NAALADL2: variants seen among roughly 807,000 people sequenced by gnomAD.
NAALADL2 encodes the protein inactive N-acetylated-alpha-linked acidic dipeptidase-like protein 2.
Under a neutral mutation model 87.2 loss-of-function variants are expected in NAALADL2, and 76 were observed. The observed-to-expected ratio is 0.87, with a 90% CI of 0.72 to 1.05. The LOEUF is 1.05. Ranked by LOEUF, NAALADL2 falls within the 50% of genes least tolerant of loss-of-function variation. The pLI is 0.00. For synonymous variants in NAALADL2, 354 were observed against 331.0 expected (o/e 1.07, Z -0.75); for missense variants, 1,089 against 945.8 (o/e 1.15, Z -1.99).
chr3:174,680,668 C>T (rs547259837), intron 2 of NAALADL2, among the ~76,000 whole-genome samples: 13 of 152,224 alleles, frequency 8.5e-5, no homozygotes, highest in South Asian at 2.1e-4. Context: ...GTCCAAACTA[C>T]GACAGTCTTT....
intron 10 of NAALADL2, among the ~76,000 whole-genome samples, chr3:175,602,372 T>C (rs1723078120): frequency 1.3e-5 from 2 of 152,078 alleles, no homozygotes; most frequent in South Asian, 2.1e-4. Flanking sequence ...TTCTGAACTT[T>C]AATACACAGT....
At chr3:174,702,035 A>G (rs1327451899) in intron 2 of NAALADL2, among the ~76,000 whole-genome samples, 1 of 152,164 alleles carries the variant, frequency 6.6e-6, no homozygotes, top group Non-Finnish European at 1.5e-5. Flanking sequence ...TTTCATTCCC[A>G]TCAGCAGTGT....
At chr3:174,777,023 C>G (rs939056775) in intron 3 of NAALADL2, among the ~76,000 whole-genome samples, 1 of 152,034 alleles carries the variant, frequency 6.6e-6, no homozygotes, top group Middle Eastern at 3.2e-3. Context: ...AAGTTTATTG[C>G]TTTATAGACT....
chr3:174,877,464 A>G (rs1387749579), intron 1 of NAALADL2, among the ~76,000 whole-genome samples: 3 of 152,144 alleles, frequency 2.0e-5, no homozygotes, highest in African/African-American at 2.4e-5. Flanking sequence ...TATTTCAGGC[A>G]TTCAGAAAAG....
chr3:175,259,818 A>G lies in NAALADL2; in HGVS notation c.939+3288A>G, dbSNP rs529049545. Among the ~76,000 whole-genome samples, 37 of 152,320 alleles carry G rather than the reference A, an allele frequency of 2.4e-4. No individual in the cohort carries two copies. In the East Asian group the frequency reaches 7.1e-3, roughly 29 times the overall value. ...CAGCACCTTTGGATCACGTAAGCCC[A>G]GGAGTTCAAGACCAGCCTGGCCAAT... On this transcript the variant is annotated intron_variant, in intron 4 of 13. Transcript: ENST00000454872.
At chr3:174,761,958 C>A (rs542939361) in intron 3 of NAALADL2, among the ~76,000 whole-genome samples, 7 of 152,216 alleles carry the variant, frequency 4.6e-5, no homozygotes, top group Admixed American at 1.3e-4. Flanking sequence ...TGAATTCTCT[C>A]ATCTGTGCTG....
At chr3:175,621,172 T>C (rs2149700522) in intron 10 of NAALADL2, among the ~76,000 whole-genome samples, 1 of 152,306 alleles carries the variant, frequency 6.6e-6, no homozygotes, top group African/African-American at 2.4e-5. Context: ...GGCTTGAAGG[T>C]CAGGTTTCAC....
intron 10 of NAALADL2, among the ~76,000 whole-genome samples, chr3:175,621,136 C>T (rs898606606): frequency 6.6e-6 from 1 of 152,182 alleles, no homozygotes; most frequent in African/African-American, 2.4e-5. Flanking sequence ...ACCGGCAGCT[C>T]GGTTTTCCGG....
chr3:174,611,034 A>G (rs911587572), intron 2 of NAALADL2, among the ~76,000 whole-genome samples: 1 of 152,100 alleles, frequency 6.6e-6, no homozygotes, highest in Non-Finnish European at 1.5e-5. Flanking sequence ...ATGAAATTGG[A>G]AATCATCATT....
intron 9 of NAALADL2, among the ~76,000 whole-genome samples, chr3:175,498,667 A>G (rs1011981256): frequency 6.6e-6 from 1 of 152,048 alleles, no homozygotes; most frequent in African/African-American, 2.4e-5. Context: ...TAAGAGTTGG[A>G]CTTTATATTT....
chr3:175,756,910 TATATA>T (rs1442467279), intron 13 of NAALADL2, among the ~76,000 whole-genome samples: 5 of 151,602 alleles, frequency 3.3e-5, no homozygotes, highest in African/African-American at 4.8e-5. Context: ...AATATATACA[TATATA>T]ATATGTGTAT....
At chr3:175,638,551 A>C (rs1299657370) in intron 11 of NAALADL2, among the ~76,000 whole-genome samples, 1 of 151,936 alleles carries the variant, frequency 6.6e-6, no homozygotes, top group East Asian at 1.9e-4. Context: ...TTGTGTCTTA[A>C]GTTTTAAGAG....
At chr3:175,365,021 A>G (rs1004782359) in intron 5 of NAALADL2, among the ~76,000 whole-genome samples, 3 of 147,858 alleles carry the variant, frequency 2.0e-5, no homozygotes, top group Non-Finnish European at 3.0e-5. Context: ...AAATTGTCAA[A>G]GGAGAATTAT....
At chr3:175,219,792 C>A (rs1743066506) in intron 2 of NAALADL2, among the ~76,000 whole-genome samples, 1 of 151,332 alleles carries the variant, frequency 6.6e-6, no homozygotes, top group South Asian at 2.1e-4. Flanking sequence ...AGTTTTCCAG[C>A]TCATGAACAT....
At chr3:175,780,941 C>T (rs1054880614) in intron 13 of NAALADL2, among the ~76,000 whole-genome samples, 1 of 152,090 alleles carries the variant, frequency 6.6e-6, no homozygotes. Flanking sequence ...CTTTAATAAT[C>T]TTATTTATTT....
intron 1 of NAALADL2, among the ~76,000 whole-genome samples, chr3:174,968,035 C>A (rs2108592756): frequency 6.6e-6 from 1 of 152,288 alleles, no homozygotes; most frequent in South Asian, 2.1e-4. Flanking sequence ...ACCACATAAA[C>A]CTTTTATAAG....
intron 2 of NAALADL2, among the ~76,000 whole-genome samples, chr3:174,717,607 G>A (rs1196797133): frequency 6.6e-6 from 1 of 152,064 alleles, no homozygotes; most frequent in Non-Finnish European, 1.5e-5. Context: ...CTAGACTGTA[G>A]TCTCAGTATA....
chr3:175,764,987 G>A (rs1452157060), intron 13 of NAALADL2, among the ~76,000 whole-genome samples: 3 of 151,852 alleles, frequency 2.0e-5, no homozygotes, highest in African/African-American at 4.8e-5. Flanking sequence ...AGGTGTGGGT[G>A]GTCTGAATGG....
At chr3:175,085,086 T>C (rs1353624058) in intron 1 of NAALADL2, among the ~76,000 whole-genome samples, 4 of 152,182 alleles carry the variant, frequency 2.6e-5, no homozygotes, top group Non-Finnish European at 4.4e-5. Flanking sequence ...TCCTGTGTAT[T>C]TTATTTTGGT....
Sources: gnomAD v4.1 joint callset for allele counts (sites outside exome capture counted in the v4.1 genomes callset) on GRCh38, gnomAD v4.1.1 for gene constraint, MANE v1.5 for transcripts, NCBI Gene and HGNC (gene_info 2026-07-23, HGNC 2026-07-21) for gene names.